RHOT1: variants seen among roughly 807,000 people sequenced by gnomAD.
RHOT1 encodes the protein mitochondrial Rho GTPase 1.
A neutral mutation model predicts 95.3 loss-of-function variants in RHOT1; 27 were observed. The observed-to-expected ratio is 0.28, with a 90% CI of 0.21 to 0.39. The LOEUF is 0.39. Ranked by LOEUF, RHOT1 falls within the 10% of genes least tolerant of loss-of-function variation. The pLI is 1.00. For synonymous variants in RHOT1, 227 were observed against 263.5 expected, an observed-to-expected ratio of 0.86 and a Z score of 1.34; for missense variants, 578 against 786.7, an observed-to-expected ratio of 0.73 and a Z score of 3.17.
intron 8 of RHOT1, among the ~76,000 whole-genome samples, chr17:32,187,802 T>C (rs2036168955): frequency 2.0e-5 from 3 of 152,076 alleles, no homozygotes; most frequent in South Asian, 4.1e-4. Context: ...CTCCTGACCT[T>C]AGGTGATCTG....
intron 11 of RHOT1, among the ~76,000 whole-genome samples, chr17:32,196,418 T>G (rs935165070): frequency 6.6e-6 from 1 of 152,106 alleles, no homozygotes; most frequent in African/African-American, 2.4e-5. Context: ...TTTCTGTCTT[T>G]CAGGCTCAAG....
intron 19 of RHOT1, among the ~76,000 whole-genome samples, 168 bp from the exon 20 acceptor site, chr17:32,224,448 A>G (rs1199666030): frequency 6.6e-6 from 1 of 152,212 alleles, no homozygotes; most frequent in Non-Finnish European, 1.5e-5. Context: ...GTAATGATTA[A>G]GTAATTATAT....
chr17:32,212,214 C>T (rs1461178936), intron 19 of RHOT1, among the ~76,000 whole-genome samples: 1 of 152,164 alleles, frequency 6.6e-6, no homozygotes, highest in East Asian at 1.9e-4. Context: ...ATCAAATGAC[C>T]ATAGTTTGTA....
chr17:32,170,844 T>A (rs1280712983), intron 1 of RHOT1, among the ~76,000 whole-genome samples, 199 bp from the exon 2 acceptor site: 1 of 152,232 alleles, frequency 6.6e-6, no homozygotes, highest in Admixed American at 6.5e-5. Flanking sequence ...TTACAGAATA[T>A]ATTTTGGCAA....
intron 6 of RHOT1, among the ~76,000 whole-genome samples, chr17:32,178,392 G>A (rs534995359): frequency 5.0e-4 from 76 of 152,158 alleles, no homozygotes; most frequent in African/African-American, 6.3e-4. Context: ...GACTTTCGCC[G>A]TGTTGACCGG....
intron 16 of RHOT1, among the ~76,000 whole-genome samples, chr17:32,204,176 C>G (rs896816661): frequency 3.9e-5 from 6 of 152,136 alleles, no homozygotes; most frequent in African/African-American, 1.4e-4. Context: ...ACTTCAGCCT[C>G]CCAAGGAGCT....
At chr17:32,175,566 C>A (rs1357000243) in intron 4 of RHOT1, among the ~76,000 whole-genome samples, 1 of 152,192 alleles carries the variant, frequency 6.6e-6, no homozygotes, top group Non-Finnish European at 1.5e-5. Flanking sequence ...AAGCGATTCT[C>A]ATGCCTCAGC....
intron 17 of RHOT1, chr17:32,207,330 GA>G: frequency 1.6e-5 from 4 of 244,796 alleles, no homozygotes; most frequent in South Asian, 1.2e-4. Flanking sequence ...TCTCTCTGAT[GA>G]AAAAAAAGAG....
rs1803116253 is a variant in RHOT1 at position 32,175,834 on chromosome 17, T to C, written c.223-128T>C. On this transcript the variant is annotated intron_variant, in intron 4 of 19. Transcript: ENST00000545287. ...TCTTAGAGGCAAGCTAATTCTTTTT[T>C]TGTTTTTTTGTTTTAGCTGTTAAAT... 5.2e-6 allele frequency: 3 copies of C among 574,424 alleles called. No individual in the cohort carries two copies. The African/African-American group carries it at 5.8e-5, about 11-fold the overall frequency. 35.6% of individuals were successfully genotyped at this position (574,424 alleles called of 1,614,324 possible). A position where few individuals can be genotyped will look rare whatever the true frequency, so the allele number is the denominator to read the frequency against.
intron 8 of RHOT1, among the ~76,000 whole-genome samples, chr17:32,189,522 T>C (rs1173317933): frequency 6.6e-6 from 1 of 152,166 alleles, no homozygotes; most frequent in Non-Finnish European, 1.5e-5. Context: ...GGGCCTGTTA[T>C]TAGTTCTGCT....
intron 19 of RHOT1, among the ~76,000 whole-genome samples, chr17:32,224,272 G>A (rs1265108048): frequency 2.0e-5 from 3 of 152,094 alleles, no homozygotes; most frequent in South Asian, 2.1e-4. Context: ...TGGGAACACC[G>A]CCTTAATTTT....
intron 18 of RHOT1, chr17:32,209,473 G>A: frequency 7.8e-7 from 1 of 1,286,952 alleles, no homozygotes; most frequent in Non-Finnish European, 1.1e-6. Context: ...TATGACTTCT[G>A]TGGGATTTTG....
chr17:32,171,003 AC>A (rs1189025777), intron 1 of RHOT1, 39 bp from the exon 2 acceptor site: 3 of 1,478,084 alleles, frequency 2.0e-6, no homozygotes, highest in Non-Finnish European at 2.8e-6. Context: ...CTTATGTAGA[AC>A]CTAACACTTT....
intron 18 of RHOT1, chr17:32,209,198 G>A (rs2037961563): frequency 2.5e-6 from 1 of 406,544 alleles, no homozygotes; most frequent in Non-Finnish European, 4.4e-6. Context: ...TAACTTTACT[G>A]CTATTTTATT....
At chr17:32,146,193 A>G (rs759119549) in intron 1 of RHOT1, among the ~76,000 whole-genome samples, 1 of 152,112 alleles carries the variant, frequency 6.6e-6, no homozygotes, top group Non-Finnish European at 1.5e-5. Context: ...CCCCATAACC[A>G]TGTATATTTG....
Position 32,216,788 on chromosome 17 carries a change from G to A in RHOT1, c.1862+5550G>A, listed in dbSNP as rs140265264. 3.3e-3 allele frequency among the ~76,000 whole-genome samples: 495 copies of A among 152,132 alleles called. 1 individual carries two copies. Among genetic ancestry groups the A allele is most frequent in the African/African-American group, 9.3e-3 (386 of 41,522 alleles). ...TAGGATTGCCTTATGAAAAGGATAG[G>A]TTTCTAAAAATCTTAATGTTGTTAA... On this transcript the variant is annotated intron_variant, in intron 19 of 19. Transcript: ENST00000545287.
chr17:32,202,695 C>G, intron 14 of RHOT1, 75 bp from the exon 15 acceptor site: 1 of 1,127,708 alleles, frequency 8.9e-7, no homozygotes, highest in Non-Finnish European at 1.2e-6. Context: ...CCCTATTTTG[C>G]AAAAGGTGGA....
chr17:32,145,831 A>G (rs529858887), intron 1 of RHOT1, among the ~76,000 whole-genome samples: 1 of 152,140 alleles, frequency 6.6e-6, no homozygotes, highest in Non-Finnish European at 1.5e-5. Context: ...CCTGGGCAAC[A>G]TGACGAACCC....
At chr17:32,178,066 C>G (rs550862324) in intron 6 of RHOT1, among the ~76,000 whole-genome samples, 1 of 152,084 alleles carries the variant, frequency 6.6e-6, no homozygotes, top group Non-Finnish European at 1.5e-5. Context: ...CTCAAGTGAT[C>G]CACCTGCCTT....
Sources: allele counts gnomAD v4.1 joint callset (sites outside exome capture counted in the v4.1 genomes callset), GRCh38; gene constraint gnomAD v4.1.1; transcripts MANE v1.5; gene names NCBI Gene and HGNC (gene_info 2026-07-23, HGNC 2026-07-21).